The following SLC35F6 variants were observed in gnomAD, a reference collection of about 807,000 sequenced individuals.
The protein encoded by SLC35F6 is solute carrier family 35 member F6, also known as ANT2-binding protein.
Under a neutral mutation model 29.4 loss-of-function variants are expected in SLC35F6, and 26 were observed. The ratio of observed to expected loss-of-function variants is 0.89; its 90% CI spans 0.65 to 1.23. The LOEUF (loss-of-function observed/expected upper bound fraction) is 1.23, where lower values mean the gene tolerates loss of function less well. Among genes scored for constraint, SLC35F6 ranks in the 50% most tolerant of loss-of-function variants. The pLI, the probability that SLC35F6 is intolerant of heterozygous loss-of-function variation, is 0.00. For missense variants in SLC35F6, 428 were observed against 487.8 expected (o/e 0.88, Z 1.15); for synonymous variants, 174 against 206.6 (o/e 0.84, Z 1.35).
intron 1 of SLC35F6, among the ~76,000 whole-genome samples, chr2:26,771,922 C>T (rs567626645): frequency 1.1e-4 from 17 of 152,198 alleles, no homozygotes; most frequent in Non-Finnish European, 2.2e-4. Flanking sequence ...TTCTTTGCCC[C>T]ACTGGTACTG....
Position 26,776,398 on chromosome 2 carries a change from A to G in SLC35F6, c.562A>G (p.Ile188Val), listed in dbSNP as rs1558294118. 1 of 1,614,072 alleles carries G rather than the reference A, an allele frequency of 6.2e-7. No individual in the cohort carries two copies. Among genetic ancestry groups the G allele is most frequent in the Admixed American group, 1.7e-5 (1 of 60,012 alleles). ...TGDLLIIMAQIIVAIQMVLEE... is the reference protein window; with the variant it reads ...TGDLLIIMAQVIVAIQMVLEE... The stretch of plus-strand genomic sequence containing the variant: ...GGACCTGTTGATCATCATGGCCCAG[A>G]TCATCGTTGCCATCCAGATGGTGCT... Residue 188 changes from isoleucine (I) to valine (V), a missense_variant, in exon 5 of 6, where the codon ATC becomes GTC. Physicochemically the swap from Ile to Val is conservative, Grantham distance 29. Coordinates refer to ENST00000344420, the MANE Select transcript of SLC35F6 (RefSeq NM_017877.4).
intron 1 of SLC35F6, among the ~76,000 whole-genome samples, chr2:26,768,447 C>T (rs1664133493): frequency 6.6e-6 from 1 of 150,606 alleles, no homozygotes; most frequent in African/African-American, 2.4e-5. Context: ...ACTGCAAGCT[C>T]CGCCTCCCGG....
rs561227982 is a variant in SLC35F6 at position 26,777,404 on chromosome 2, A to C, written c.647-638A>C. Among the ~76,000 whole-genome samples, 12 of 152,312 alleles carry C rather than the reference A, an allele frequency of 7.9e-5. No individual in the cohort carries two copies. In the South Asian group the frequency reaches 2.5e-3, roughly 32 times the overall value. On this transcript the variant is annotated intron_variant, in intron 5 of 5. Coordinates refer to ENST00000344420, the MANE Select transcript of SLC35F6 (RefSeq NM_017877.4). ...GCAAGATACAGCTGCGCTTTCAAAGAATGTCCTGGGGGCTAGTGCCTGTTG... is the reference window on the plus strand; with the variant it reads ...GCAAGATACAGCTGCGCTTTCAAAGCATGTCCTGGGGGCTAGTGCCTGTTG...
chr2:26,778,578 G>T lies in SLC35F6; in HGVS notation c.*67G>T. ...CCCTGAGACTGAGGCCACACAGGCT[G>T]GTGGGCCCCGAATGCCCTATCCCCA... On this transcript the variant is annotated 3_prime_UTR_variant, in exon 6 of 6. Transcript: ENST00000344420. 2 of 1,436,956 alleles carry T rather than the reference G, an allele frequency of 1.4e-6. No individual in the cohort carries two copies. The highest frequency in any genetic ancestry group is 1.8e-6 in the Non-Finnish European group (2 of 1,086,080). The allele number at this position is 1,436,956 out of a possible 1,614,324, so 89.0% of individuals were successfully genotyped here. A position where few individuals can be genotyped will look rare whatever the true frequency, so the allele number is the denominator to read the frequency against.
At chr2:26,771,131 G>C (rs1329349654) in intron 1 of SLC35F6, among the ~76,000 whole-genome samples, 1 of 152,216 alleles carries the variant, frequency 6.6e-6, no homozygotes, top group Admixed American at 6.5e-5. Context: ...CCTGTGGGAG[G>C]TGGGGAGCTC....
At chr2:26,770,277 A>G (rs554871694) in intron 1 of SLC35F6, among the ~76,000 whole-genome samples, 1 of 152,144 alleles carries the variant, frequency 6.6e-6, no homozygotes, top group Non-Finnish European at 1.5e-5. Context: ...ATGGTGGCCC[A>G]TGCCTGTAGT....
intron 5 of SLC35F6, 34 bp downstream of exon 5, chr2:26,776,516 G>A (rs778742461): frequency 1.3e-6 from 2 of 1,595,502 alleles, no homozygotes; most frequent in South Asian, 1.1e-5. Flanking sequence ...GAAGGAGTGG[G>A]GTAGAAGGGA....
chr2:26,772,065 C>T (rs772843999), intron 1 of SLC35F6, among the ~76,000 whole-genome samples: 14 of 152,212 alleles, frequency 9.2e-5, no homozygotes, highest in Admixed American at 5.9e-4. Context: ...TCTTAACTAC[C>T]CCTCTTTCTC....
chr2:26,779,787 G>A lies in SLC35F6; in HGVS notation c.*1276G>A, dbSNP rs10193936. ...TGCCTCAGCCTCCCAAAGTGCTGGG[G>A]TTACAGGCATGAGCCACCACGCCCA... On this transcript the variant is annotated 3_prime_UTR_variant, in exon 6 of 6. Transcript: ENST00000344420. 128,684 of 149,406 alleles carry A rather than the reference G, an allele frequency of 0.86. 56,084 individuals carry two copies. The highest frequency in any genetic ancestry group is 0.97 in the African/African-American group (39,066 of 40,312). 9.3% of individuals were successfully genotyped at this position (149,406 alleles called of 1,614,324 possible). A position where few individuals can be genotyped will look rare whatever the true frequency, so the allele number is the denominator to read the frequency against.
chr2:26,778,701 G>C lies in SLC35F6; in HGVS notation c.*190G>C. On this transcript the variant is annotated 3_prime_UTR_variant, in exon 6 of 6. Transcript: ENST00000344420. ...CCTCTTTTTCTCACTACCACCTGCA[G>C]GGTGGTGTTACCCAGCCCCCACAAG... is the stretch of plus-strand genomic sequence containing the variant. The C allele has an allele frequency of 3.3e-6, 2 of 613,446 alleles. No individual in the cohort carries two copies. Among genetic ancestry groups the C allele is most frequent in the Admixed American group, 3.0e-5 (1 of 32,942 alleles). The allele number at this position is 613,446 out of a possible 1,614,324, so 38.0% of individuals were successfully genotyped here. A position where few individuals can be genotyped will look rare whatever the true frequency, so the allele number is the denominator to read the frequency against.
At chr2:26,765,249 G>A (rs916096393) in intron 1 of SLC35F6, among the ~76,000 whole-genome samples, 1 of 152,212 alleles carries the variant, frequency 6.6e-6, no homozygotes, top group Non-Finnish European at 1.5e-5. Flanking sequence ...GATCACTCCA[G>A]GGTTTCTGCC....
rs1664344185 is a variant in SLC35F6, at chr2:26,778,400, G to A, written c.1005G>A (p.Gly335=). 1.2e-6 allele frequency: 2 copies of A among 1,613,968 alleles called. No homozygotes were observed. Among genetic ancestry groups the A allele is most frequent in the South Asian group, 2.2e-5 (2 of 91,084 alleles). Residue 335 remains glycine (G), a synonymous_variant, in exon 6 of 6, where the codon GGG becomes GGA. Coordinates refer to ENST00000344420, the MANE Select transcript of SLC35F6 (RefSeq NM_017877.4). The part of the protein sequence containing the change: ...ILLIGTALYN[G]LHRPLLGRLS... ...TTATAGGCACTGCCCTCTACAATGGGCTACACCGTCCGCTGCTGGGCCGCC... is the reference window on the plus strand; with the variant it reads ...TTATAGGCACTGCCCTCTACAATGGACTACACCGTCCGCTGCTGGGCCGCC...
At chr2:26,773,549 A>G (rs1025476753) in intron 1 of SLC35F6, among the ~76,000 whole-genome samples, 2 of 151,828 alleles carry the variant, frequency 1.3e-5, no homozygotes. Context: ...AGTCAATTAA[A>G]TTGAAATACA....
rs775921992 is a variant in SLC35F6 at position 26,764,303 on chromosome 2, A to G, written c.-47A>G. Reference sequence around the variant, plus strand: ...GCGCTCGCGCAGGAGACCCCGGGTGACGGGGCCCGGCGCCGCTAACTGGAG... The same window carrying G: ...GCGCTCGCGCAGGAGACCCCGGGTGGCGGGGCCCGGCGCCGCTAACTGGAG... On this transcript the variant is annotated 5_prime_UTR_variant, in exon 1 of 6. Transcript: ENST00000344420. 47 of 1,544,644 alleles carry G rather than the reference A, an allele frequency of 3.0e-5. No individual in the cohort carries two copies. Among genetic ancestry groups the G allele is most frequent in the Non-Finnish European group, 3.8e-5 (44 of 1,143,990 alleles).
chr2:26,777,912 C>A, intron 5 of SLC35F6, 130 bp from the exon 6 acceptor site: 1 of 792,578 alleles, frequency 1.3e-6, no homozygotes, highest in Non-Finnish European at 2.0e-6. Context: ...GACTGAGGGA[C>A]GTGAAAGGAG....
chr2:26,776,572 G>C (rs1664305176), intron 5 of SLC35F6, 90 bp downstream of exon 5: 4 of 1,185,318 alleles, frequency 3.4e-6, no homozygotes, highest in Non-Finnish European at 4.9e-6. Flanking sequence ...TTCACTTGTG[G>C]GGGGTGAACT....
In SLC35F6 at chr2:26,780,280, G is replaced by A. The variant is rs1664384925; in HGVS notation, c.*1769G>A. 2.0e-5 allele frequency: 3 copies of A among 152,026 alleles called. No individual in the cohort carries two copies. The highest frequency in any genetic ancestry group is 4.2e-4 in the South Asian group (2 of 4,818). The allele number at this position is 152,026 out of a possible 1,614,324, so 9.4% of individuals were successfully genotyped here. On this transcript the variant is annotated 3_prime_UTR_variant, in exon 6 of 6. Transcript: ENST00000344420. Reference sequence around the variant, plus strand: ...TGAGGCCCAAAGTTCTAAGTTGTTTGGCAAATGGAGTCTCCTACCCTCAGC... The same window carrying A: ...TGAGGCCCAAAGTTCTAAGTTGTTTAGCAAATGGAGTCTCCTACCCTCAGC...
intron 2 of SLC35F6, 60 bp from the exon 3 acceptor site, chr2:26,774,980 ATAGT>A: frequency 6.7e-7 from 1 of 1,499,376 alleles, no homozygotes; most frequent in South Asian, 1.3e-5. Flanking sequence ...ATTAAAAAAA[ATAGT>A]TAAAGATGAT....
rs1181204455 is a variant in SLC35F6, at chr2:26,775,704, T to G, written c.535+28T>G. 6.6e-7 allele frequency: 1 copy of G among 1,523,986 alleles called. No individual in the cohort carries two copies. Among genetic ancestry groups the G allele is most frequent in the Admixed American group, 2.0e-5 (1 of 49,984 alleles). The allele number at this position is 1,523,986 out of a possible 1,614,324, so 94.4% of individuals were successfully genotyped here. On this transcript the variant is annotated intron_variant, in intron 4 of 5. Coordinates refer to ENST00000344420, the MANE Select transcript of SLC35F6 (RefSeq NM_017877.4). This position sits in a 1 kb window ranked among gnomAD's most constrained non-coding sequence, Gnocchi z 4.6. ...GCGGCCAGGGGCAGGGACACGGGGC[T>G]GCCCTATCCTGCCCTGTCCTCCTTG...
Sources: allele counts gnomAD v4.1 joint callset (sites outside exome capture counted in the v4.1 genomes callset), GRCh38; gene constraint gnomAD v4.1.1; non-coding constraint Gnocchi (gnomAD v3.1); transcripts MANE v1.5; gene names NCBI Gene and HGNC (gene_info 2026-07-23, HGNC 2026-07-21).